The following CORO2A variants were observed in gnomAD, a reference collection of about 807,000 sequenced individuals.
CORO2A encodes coronin 2A, also known as coronin-2A.
In CORO2A, 47 loss-of-function variants were observed where a neutral mutation model predicts 62.4. The observed-to-expected ratio is 0.75, with a 90% confidence interval of 0.60 to 0.96. The LOEUF is 0.96. Ranked by LOEUF, CORO2A falls within the 40% of genes least tolerant of loss-of-function variation. CORO2A has a pLI of 0.00. For synonymous variants in CORO2A, 273 were observed against 268.9 expected (o/e 1.02, Z -0.15); for missense variants, 610 against 684.1 (o/e 0.89, Z 1.21).
At chr9:98,166,566 T>C (rs1164310207) in intron 1 of CORO2A, among the ~76,000 whole-genome samples, 1 of 152,170 alleles carries the variant, frequency 6.6e-6, no homozygotes, top group African/African-American at 2.4e-5. Context: ...GCACTGTTGG[T>C]AGGAATGCAA....
chr9:98,185,082 C>T (rs1217291422), intron 1 of CORO2A, among the ~76,000 whole-genome samples: 1 of 152,096 alleles, frequency 6.6e-6, no homozygotes, highest in Non-Finnish European at 1.5e-5. Context: ...CCTTATTTTT[C>T]TACCCTTCAT....
intron 2 of CORO2A, among the ~76,000 whole-genome samples, chr9:98,147,112 A>G (rs1827652928): frequency 6.6e-6 from 1 of 152,036 alleles, no homozygotes; most frequent in African/African-American, 2.4e-5. Context: ...ACTTACAATA[A>G]GAAAAAATTA....
At chr9:98,184,125 A>C (rs1433876867) in intron 1 of CORO2A, among the ~76,000 whole-genome samples, 1 of 152,204 alleles carries the variant, frequency 6.6e-6, no homozygotes, top group African/African-American at 2.4e-5. Context: ...ACAGATTTTG[A>C]TATCCTTGGG....
Position 98,132,260 on chromosome 9 carries a change from A to G in CORO2A, c.690T>C (p.Phe230=). 1.2e-6 allele frequency: 2 copies of G among 1,614,170 alleles called. No individual in the cohort carries two copies. Among genetic ancestry groups the G allele is most frequent in the East Asian group, 2.2e-5 (1 of 44,886 alleles). ...ACATCAGCTTCTTCAGGTTCCCCAG[A>G]AACAGCACTTTGCTGGCCCGGTGCC... ...YKGHRASKVL[F]LGNLKKLMST... The change falls in exon 6 of 12, where the codon TTT becomes TTC. Residue 230 remains phenylalanine (F), a synonymous_variant. Transcript: ENST00000375077.
intron 2 of CORO2A, among the ~76,000 whole-genome samples, chr9:98,152,715 T>C (rs1225948616): frequency 6.6e-6 from 1 of 152,220 alleles, no homozygotes; most frequent in Non-Finnish European, 1.5e-5. Flanking sequence ...AAAAATGATA[T>C]ACCACCACTC....
intron 1 of CORO2A, among the ~76,000 whole-genome samples, chr9:98,163,711 G>T (rs947425155): frequency 7.2e-6 from 1 of 138,796 alleles, no homozygotes; most frequent in South Asian, 2.3e-4. Flanking sequence ...ATACATGCGG[G>T]GTGTGTGTGT....
At chr9:98,151,707 G>A (rs2118859917) in intron 2 of CORO2A, among the ~76,000 whole-genome samples, 1 of 152,176 alleles carries the variant, frequency 6.6e-6, no homozygotes, top group Non-Finnish European at 1.5e-5. Flanking sequence ...CTGTCACCCA[G>A]GCTGGAGTGC....
intron 1 of CORO2A, among the ~76,000 whole-genome samples, chr9:98,165,976 C>T (rs1321880422): frequency 6.6e-6 from 1 of 152,196 alleles, no homozygotes; most frequent in Non-Finnish European, 1.5e-5. Context: ...GAACCCACTG[C>T]CCAATCTTAG....
intron 2 of CORO2A, among the ~76,000 whole-genome samples, chr9:98,156,496 A>C (rs1827804242): frequency 6.6e-6 from 1 of 152,178 alleles, no homozygotes; most frequent in African/African-American, 2.4e-5. Flanking sequence ...GGATTTTTAA[A>C]TTTCCATTTT....
intron 4 of CORO2A, among the ~76,000 whole-genome samples, chr9:98,134,138 T>C (rs1225096919): frequency 6.6e-6 from 1 of 152,162 alleles, no homozygotes; most frequent in Non-Finnish European, 1.5e-5. Flanking sequence ...TGAAAGGCCA[T>C]AGCTATGGTG....
intron 1 of CORO2A, among the ~76,000 whole-genome samples, chr9:98,166,308 A>G (rs1473114488): frequency 6.6e-5 from 10 of 152,260 alleles, no homozygotes; most frequent in South Asian, 4.1e-4. Context: ...GGGCTTGGCA[A>G]TGATTCCTTG....
At chr9:98,185,701 G>C (rs903182950) in intron 1 of CORO2A, among the ~76,000 whole-genome samples, 2 of 152,204 alleles carry the variant, frequency 1.3e-5, no homozygotes, top group African/African-American at 2.4e-5. Flanking sequence ...CCCAGTTATT[G>C]AGCACGCCAT....
intron 2 of CORO2A, among the ~76,000 whole-genome samples, chr9:98,140,197 G>T (rs1169972706): frequency 6.6e-6 from 1 of 152,180 alleles, no homozygotes; most frequent in Non-Finnish European, 1.5e-5. Flanking sequence ...CTAAGTGAAA[G>T]AGACAGCTGA....
chr9:98,132,055 A>T, intron 6 of CORO2A, 130 bp downstream of exon 6: 1 of 767,240 alleles, frequency 1.3e-6, no homozygotes, highest in Non-Finnish European at 2.2e-6. Context: ...TCATCCCCGG[A>T]TCCCCAGCAC....
At chr9:98,155,837 T>C (rs535637939) in intron 2 of CORO2A, among the ~76,000 whole-genome samples, 2 of 152,314 alleles carry the variant, frequency 1.3e-5, no homozygotes, top group African/African-American at 4.8e-5. Flanking sequence ...TGCTGTGATA[T>C]TGTTTTTCTC....
At chr9:98,163,656 T>C (rs140319801) in intron 1 of CORO2A, among the ~76,000 whole-genome samples, 57 of 152,002 alleles carry the variant, frequency 3.7e-4, no homozygotes, top group African/African-American at 1.4e-3. Flanking sequence ...TGAGGACTAG[T>C]TGAGAGACCC....
At chr9:98,154,352 T>TATATATATATATATATATAC (rs71369555) in intron 2 of CORO2A, among the ~76,000 whole-genome samples, 6,813 of 86,946 alleles carry the variant, frequency 0.078, 344 homozygotes, top group East Asian at 0.094. Flanking sequence ...TATATATATA[T>TATATATATATATATATATAC]ACACAAATAC....
intron 2 of CORO2A, among the ~76,000 whole-genome samples, chr9:98,150,216 C>A (rs1386021528): frequency 6.6e-6 from 1 of 152,114 alleles, no homozygotes; most frequent in Non-Finnish European, 1.5e-5. Flanking sequence ...CAGGTGTTAG[C>A]CACAGCGCCT....
chr9:98,146,930 T>C (rs1011012102), intron 2 of CORO2A, among the ~76,000 whole-genome samples: 11 of 152,208 alleles, frequency 7.2e-5, no homozygotes, highest in Admixed American at 2.0e-4. Flanking sequence ...GTAAGTGCTA[T>C]GGCATGGTGC....
Sources: allele counts gnomAD v4.1 joint callset (sites outside exome capture counted in the v4.1 genomes callset), GRCh38; gene constraint gnomAD v4.1.1; transcripts MANE v1.5; gene names NCBI Gene and HGNC (gene_info 2026-07-23, HGNC 2026-07-21).